Variants in TMOD3 observed in about 807,000 individuals in gnomAD.
TMOD3 encodes tropomodulin 3, also known as tropomodulin-3.
In TMOD3, 20 loss-of-function variants were observed where a neutral mutation model predicts 39.2. The observed-to-expected ratio is 0.51, with a 90% CI of 0.36 to 0.74. The LOEUF is 0.74. TMOD3 is among the 30% of genes least tolerant of loss of function. The probability of loss-of-function intolerance (pLI) is 0.00; values close to 1 mark genes in which losing one functional copy is unlikely to be tolerated. For missense variants in TMOD3, 381 were observed against 412.8 expected (o/e 0.92, Z 0.67); for synonymous variants, 143 against 145.8 (o/e 0.98, Z 0.14).
At chr15:51,903,045 A>C (rs2056660979) in intron 9 of TMOD3, among the ~76,000 whole-genome samples, 1 of 152,066 alleles carries the variant, frequency 6.6e-6, no homozygotes, top group East Asian at 1.9e-4. Context: ...CGGCCTCCCA[A>C]AGTGCTGGGA....
At position 51,836,255 on chromosome 15, in the gene TMOD3, C is replaced by T. The variant is rs368611900; in HGVS notation, c.-75+6419C>T. ...CCATTTTAGAACATTTTCATCACAC[C>T]AGAAATAAACCCCTTACCATTAGCA... On this transcript the variant is annotated intron_variant, in intron 1 of 9. Transcript: ENST00000308580. 8.5e-5 allele frequency among the ~76,000 whole-genome samples: 13 copies of T among 152,196 alleles called. No homozygotes were observed. In the East Asian group the frequency reaches 2.5e-3, roughly 29 times the overall value.
intron 8 of TMOD3, chr15:51,901,576 T>A (rs2056650624): frequency 5.4e-6 from 1 of 186,550 alleles, no homozygotes. Context: ...AAGTTTAGTG[T>A]GTGTGTGTGT....
intron 1 of TMOD3, among the ~76,000 whole-genome samples, chr15:51,837,672 G>A (rs2056293307): frequency 6.6e-6 from 1 of 152,046 alleles, no homozygotes; most frequent in African/African-American, 2.4e-5. Flanking sequence ...CGGGGCAGGT[G>A]GGCTCTTCTG....
intron 1 of TMOD3, among the ~76,000 whole-genome samples, chr15:51,853,753 A>G (rs2436662): frequency 0.42 from 62,973 of 149,986 alleles, 13,438 homozygotes; most frequent in Admixed American, 0.51. Context: ...AGGCTGCGCC[A>G]CTGCACTCTG....
chr15:51,851,370 C>T (rs867193799), intron 1 of TMOD3, among the ~76,000 whole-genome samples: 1 of 152,182 alleles, frequency 6.6e-6, no homozygotes, highest in Admixed American at 6.5e-5. Context: ...TTGCTTGTTT[C>T]ACTTTTTAGA....
intron 3 of TMOD3, among the ~76,000 whole-genome samples, chr15:51,872,380 C>T (rs1002312288): frequency 2.0e-5 from 3 of 151,492 alleles, no homozygotes; most frequent in African/African-American, 4.9e-5. Flanking sequence ...GCGACAGAGT[C>T]GAGACCCTGT....
rs145636180 is a variant in TMOD3 at position 51,891,960 on chromosome 15, T to C, written c.497-1855T>C. ...TCTACAGGATAAATCTGAAAACAGC[T>C]AGGATAACTTCTTTTAATAGGTACT... is the stretch of plus-strand genomic sequence containing the variant. On this transcript the variant is annotated intron_variant, in intron 5 of 9. Transcript: ENST00000308580. Among the ~76,000 whole-genome samples the C allele has an allele frequency of 1.1e-3, 167 of 152,316 alleles. 1 individual carries two copies. The highest frequency in any genetic ancestry group is 3.8e-3 in the African/African-American group (156 of 41,578).
intron 2 of TMOD3, among the ~76,000 whole-genome samples, chr15:51,864,031 C>T (rs994013012): frequency 1.3e-5 from 2 of 151,892 alleles, no homozygotes; most frequent in African/African-American, 2.4e-5. Flanking sequence ...TTTGGGAGGC[C>T]GAGGCGGGTG....
intron 3 of TMOD3, among the ~76,000 whole-genome samples, chr15:51,882,351 C>T (rs1304676620): frequency 6.6e-6 from 1 of 151,568 alleles, no homozygotes; most frequent in East Asian, 2.0e-4. Flanking sequence ...CCAGCCTGAC[C>T]AACATGGCAA....
At chr15:51,859,954 A>G in intron 1 of TMOD3, 1 of 545,694 alleles carries the variant, frequency 1.8e-6, no homozygotes, top group South Asian at 1.4e-5. Flanking sequence ...GGAACCCACT[A>G]TTTGTCTTCT....
At chr15:51,907,802 G>T (rs1345461849) in intron 9 of TMOD3, among the ~76,000 whole-genome samples, 4 of 152,192 alleles carry the variant, frequency 2.6e-5, no homozygotes, top group Admixed American at 6.5e-5. Context: ...TGAAGACCTT[G>T]TTCTGCTACT....
intron 3 of TMOD3, among the ~76,000 whole-genome samples, chr15:51,880,996 A>G (rs2056530435): frequency 6.6e-6 from 1 of 152,194 alleles, no homozygotes; most frequent in South Asian, 2.1e-4. Context: ...GTTTTATTGT[A>G]GCCATCTTAG....
At chr15:51,863,840 C>T (rs1337416196) in intron 2 of TMOD3, among the ~76,000 whole-genome samples, 1 of 152,118 alleles carries the variant, frequency 6.6e-6, no homozygotes, top group African/African-American at 2.4e-5. Context: ...ACCATAATTA[C>T]TATTATAAGG....
At chr15:51,865,530 T>C (rs2056441093) in intron 2 of TMOD3, among the ~76,000 whole-genome samples, 1 of 152,190 alleles carries the variant, frequency 6.6e-6, no homozygotes, top group South Asian at 2.1e-4. Context: ...TGTAAATCCA[T>C]GGCCTGCTTC....
At chr15:51,900,025 A>G (rs1246590684) in intron 7 of TMOD3, 130 bp from the exon 8 acceptor site, 2 of 882,258 alleles carry the variant, frequency 2.3e-6, no homozygotes, top group East Asian at 2.7e-5. Flanking sequence ...GCTATGGGCT[A>G]CTGTGTCAAA....
intron 3 of TMOD3, among the ~76,000 whole-genome samples, chr15:51,876,953 C>T (rs1480021049): frequency 1.3e-5 from 2 of 152,044 alleles, no homozygotes; most frequent in Non-Finnish European, 2.9e-5. Flanking sequence ...GTTCCAGTTA[C>T]TCCGGAGGCT....
At chr15:51,893,294 C>CAAAAAAA (rs59321162) in intron 5 of TMOD3, among the ~76,000 whole-genome samples, 1 of 58,992 alleles carries the variant, frequency 1.7e-5, no homozygotes, top group Non-Finnish European at 2.9e-5. Flanking sequence ...GACTCCATCT[C>CAAAAAAA]AAAAAAAAAA....
At chr15:51,834,893 G>A (rs534327233) in intron 1 of TMOD3, 4 of 152,090 alleles carry the variant, frequency 2.6e-5, no homozygotes, top group Non-Finnish European at 5.9e-5. Flanking sequence ...GCATCTTAGC[G>A]TGTCAGCTGA....
In TMOD3 at chr15:51,862,951, A is replaced by C. The variant is rs1230538287; in HGVS notation, c.67A>C (p.Asn23His). 6.2e-7 allele frequency: 1 copy of C among 1,614,096 alleles called. No individual in the cohort carries two copies. Among genetic ancestry groups the C allele is most frequent in the Non-Finnish European group, 8.5e-7 (1 of 1,179,954 alleles). ...KDLDEDELLG[N>H]LSETELKQLE... The stretch of plus-strand genomic sequence containing the variant: ...CCTTGATGAAGATGAGCTCCTTGGG[A>C]ATCTGTCAGAAACAGAACTGAAACA... The change falls in exon 2 of 10, where the codon AAT (asparagine) becomes CAT (histidine). Residue 23 changes from asparagine to histidine, a missense_variant. Transcript: ENST00000308580.
Sources: gnomAD v4.1 joint callset for allele counts (sites outside exome capture counted in the v4.1 genomes callset) on GRCh38, gnomAD v4.1.1 for gene constraint, MANE v1.5 for transcripts, NCBI Gene and HGNC (gene_info 2026-07-23, HGNC 2026-07-21) for gene names.